DLG2: variants seen among roughly 807,000 people sequenced by gnomAD.
The protein encoded by DLG2 is discs large MAGUK scaffold protein 2, also known as disks large homolog 2.
A neutral mutation model predicts 132.5 loss-of-function variants in DLG2; 45 were observed. The observed-to-expected ratio is 0.34, with a 90% CI of 0.27 to 0.44. DLG2 has a LOEUF of 0.44. Among genes scored for constraint, DLG2 ranks in the 20% least tolerant of loss-of-function variants. The pLI is 1.00. For missense variants in DLG2, 1,045 were observed against 1,196.9 expected (o/e 0.87, Z 1.87); for synonymous variants, 424 against 419.6 (o/e 1.01, Z -0.13).
At chr11:84,258,307 A>G (rs2097506288) in intron 7 of DLG2, among the ~76,000 whole-genome samples, 1 of 152,210 alleles carries the variant, frequency 6.6e-6, no homozygotes, top group South Asian at 2.1e-4. Context: ...TTCTAGAATC[A>G]TAGAACTTTT....
intron 5 of DLG2, among the ~76,000 whole-genome samples, chr11:85,145,089 T>G (rs562660790): frequency 6.6e-6 from 1 of 152,140 alleles, no homozygotes; most frequent in Admixed American, 6.6e-5. Flanking sequence ...TCCCTGGATA[T>G]GCTATTCTAG....
intron 5 of DLG2, among the ~76,000 whole-genome samples, chr11:85,125,425 A>G (rs1305604436): frequency 1.3e-5 from 2 of 152,166 alleles, no homozygotes; most frequent in Non-Finnish European, 2.9e-5. Flanking sequence ...TTTATTTCTA[A>G]AAGTTTAGTT....
chr11:84,041,684 T>C (rs1347564621), intron 11 of DLG2, among the ~76,000 whole-genome samples: 1 of 151,990 alleles, frequency 6.6e-6, no homozygotes, highest in African/African-American at 2.4e-5. Flanking sequence ...TTACCCAATT[T>C]CCTTTATAGT....
chr11:83,620,855 G>C (rs1345831508), intron 19 of DLG2, among the ~76,000 whole-genome samples: 2 of 108,774 alleles, frequency 1.8e-5, no homozygotes, highest in African/African-American at 4.4e-5. Context: ...GGGCGACAGA[G>C]CGAGACTCCG....
In DLG2 at chr11:84,736,328, C is replaced by CT. The variant is rs200453322; in HGVS notation, c.358-201598dup. ...CTTCTTTGATCTCCAACTTTGTTCA[C>CT]TTTTTTTTTCAGAGCTGTTTTGACT... is the stretch of plus-strand genomic sequence containing the variant. On this transcript the variant is annotated intron_variant, in intron 6 of 27. Coordinates refer to ENST00000376104, the MANE Select transcript of DLG2 (RefSeq NM_001142699.3). 6.2e-3 allele frequency among the ~76,000 whole-genome samples: 933 copies of CT among 150,524 alleles called. 4 individuals carry two copies. Among genetic ancestry groups the CT allele is most frequent in the Non-Finnish European group, 0.01 (700 of 67,368 alleles).
chr11:85,279,713 A>C (rs1207193846), intron 4 of DLG2, among the ~76,000 whole-genome samples: 1 of 152,088 alleles, frequency 6.6e-6, no homozygotes, highest in African/African-American at 2.4e-5. Flanking sequence ...AAAATAAACA[A>C]GCAAACAGCA....
At chr11:83,922,339 A>G (rs2078112523) in intron 15 of DLG2, among the ~76,000 whole-genome samples, 1 of 152,190 alleles carries the variant, frequency 6.6e-6, no homozygotes, top group East Asian at 1.9e-4. Context: ...CTGGGAGTCA[A>G]TTAATCTCTC....
At chr11:83,554,040 G>A (rs2096461288) in intron 19 of DLG2, among the ~76,000 whole-genome samples, 1 of 151,808 alleles carries the variant, frequency 6.6e-6, no homozygotes, top group South Asian at 2.1e-4. Context: ...TAGTAACCAT[G>A]TCGGGCTAAT....
intron 7 of DLG2, among the ~76,000 whole-genome samples, chr11:84,373,269 A>AAAAAAAAAC (rs1555532736): frequency 1.6e-5 from 2 of 128,428 alleles, no homozygotes; most frequent in East Asian, 2.1e-4. Flanking sequence ...AAAAAACAAA[A>AAAAAAAAAC]CAAAAAAAAA....
At chr11:85,457,466 T>A (rs577261044) in intron 3 of DLG2, among the ~76,000 whole-genome samples, 2 of 152,350 alleles carry the variant, frequency 1.3e-5, no homozygotes, top group African/African-American at 4.8e-5. Context: ...ATATGCCAAT[T>A]TGATCCTGTC....
intron 17 of DLG2, among the ~76,000 whole-genome samples, chr11:83,787,340 T>TTTTTTTG (rs66699053): frequency 0.051 from 5,196 of 102,302 alleles, 1,444 homozygotes; most frequent in Middle Eastern, 0.078. Context: ...TTTTTTTTTT[T>TTTTTTTG]AGACAGAGTC....
At chr11:83,718,846 G>C (rs1417462754) in intron 18 of DLG2, among the ~76,000 whole-genome samples, 4 of 152,104 alleles carry the variant, frequency 2.6e-5, no homozygotes, top group Admixed American at 6.5e-5. Flanking sequence ...ACACCGTAGG[G>C]CCAGCTTGCA....
chr11:84,541,218 G>T (rs989183698), intron 6 of DLG2, among the ~76,000 whole-genome samples: 1 of 146,532 alleles, frequency 6.8e-6, no homozygotes, highest in African/African-American at 2.6e-5. Context: ...TAATAATAAA[G>T]AAACTTTGTA....
chr11:83,770,255 G>GTTTTTTTTTTTTTTTTTTTTTTTTTT (rs143065797), intron 18 of DLG2, among the ~76,000 whole-genome samples: 8 of 109,894 alleles, frequency 7.3e-5, no homozygotes, highest in African/African-American at 2.0e-4. Flanking sequence ...GGTGTCTGGT[G>GTTTTTTTTTTTTTTTTTTTTTTTTTT]TTTTTTTTTG....
chr11:84,413,547 A>C (rs1409799928), intron 7 of DLG2, among the ~76,000 whole-genome samples: 2 of 152,176 alleles, frequency 1.3e-5, no homozygotes, highest in East Asian at 3.9e-4. Context: ...ACTCACCTGC[A>C]AGACACATGA....
intron 11 of DLG2, among the ~76,000 whole-genome samples, chr11:84,046,566 C>A (rs1014577317): frequency 2.0e-5 from 3 of 151,518 alleles, no homozygotes; most frequent in African/African-American, 7.3e-5. Flanking sequence ...TCATTCACCA[C>A]GATAAGGCAC....
intron 8 of DLG2, among the ~76,000 whole-genome samples, chr11:84,190,934 T>A (rs1459889818): frequency 6.6e-6 from 1 of 152,246 alleles, no homozygotes; most frequent in African/African-American, 2.4e-5. Context: ...TCAATTAGTA[T>A]TGCACACATC....
At chr11:84,884,231 G>C (rs567436145) in intron 6 of DLG2, among the ~76,000 whole-genome samples, 5 of 152,050 alleles carry the variant, frequency 3.3e-5, no homozygotes, top group Non-Finnish European at 7.4e-5. Flanking sequence ...CTGATAGTCT[G>C]ATGTTAGTTA....
In DLG2 at chr11:84,127,732, C is replaced by A. The variant is rs11602678; in HGVS notation, c.625-28685G>T. Among the ~76,000 whole-genome samples the A allele has an allele frequency of 9.0e-3, 1,368 of 152,268 alleles. 10 individuals are homozygous for A. The highest frequency in any genetic ancestry group is 0.015 in the Non-Finnish European group (1,003 of 67,996). On this transcript the variant is annotated intron_variant, in intron 9 of 27. Coordinates refer to ENST00000376104, the MANE Select transcript of DLG2 (RefSeq NM_001142699.3). ...TACAGGTGTGAGCTACTATGCTCAG[C>A]CTTCTGTCTTTGCCTTCACATGGTG...
Sources: gnomAD v4.1 joint callset for allele counts (sites outside exome capture counted in the v4.1 genomes callset) on GRCh38, gnomAD v4.1.1 for gene constraint, MANE v1.5 for transcripts, NCBI Gene and HGNC (gene_info 2026-07-23, HGNC 2026-07-21) for gene names.